The following CCDC73 variants were observed in gnomAD, a reference collection of about 807,000 sequenced individuals.
The protein encoded by CCDC73 is coiled-coil domain-containing protein 73.
A neutral mutation model predicts 116.5 loss-of-function variants in CCDC73; 95 were observed. That is an observed-to-expected ratio of 0.82 (90% CI 0.69 to 0.97). The LOEUF is 0.97. Ranked by LOEUF, CCDC73 falls within the 50% of genes least tolerant of loss-of-function variation. CCDC73 has a pLI of 0.00. For synonymous variants in CCDC73, 398 were observed against 401.3 expected (o/e 0.99, Z 0.10); for missense variants, 1,066 against 1,206.8 (o/e 0.88, Z 1.73).
In CCDC73 at chr11:32,625,749, C is replaced by T. The variant is rs182183138; in HGVS notation, c.1186-9620G>A. Among the ~76,000 whole-genome samples, 329 of 152,100 alleles carry T rather than the reference C, an allele frequency of 2.2e-3. 1 individual carries two copies. Among genetic ancestry groups the T allele is most frequent in the African/African-American group, 5.2e-3 (217 of 41,480 alleles). On this transcript the variant is annotated intron_variant, in intron 14 of 17. Transcript: ENST00000335185. The stretch of plus-strand genomic sequence containing the variant: ...AAAAACACATGATTATTTCAGTAGA[C>T]GCAGAAAAGGCCTTTGACAAAATTC...
At chr11:32,812,907 G>A in the CCDC73 span, among the ~76,000 whole-genome samples, 1 of 152,090 alleles carries the variant, frequency 6.6e-6, no homozygotes, top group Non-Finnish European at 1.5e-5. Flanking sequence ...ATGAATGTAG[G>A]CAACAAACCA....
chr11:32,820,849 G>T, the CCDC73 span, among the ~76,000 whole-genome samples: 3 of 152,012 alleles, frequency 2.0e-5, no homozygotes, highest in African/African-American at 7.2e-5. Flanking sequence ...ATTTTCTGAG[G>T]TTTACTAATT....
At chr11:32,773,326 T>C (rs1850506368) in intron 1 of CCDC73, among the ~76,000 whole-genome samples, 1 of 152,168 alleles carries the variant, frequency 6.6e-6, no homozygotes, top group African/African-American at 2.4e-5. Context: ...GGGTTTCTTT[T>C]TGAGGTATTA....
At chr11:32,619,801 AAGG>A (rs1461536919) in intron 14 of CCDC73, among the ~76,000 whole-genome samples, 1 of 148,180 alleles carries the variant, frequency 6.7e-6, no homozygotes, top group African/African-American at 2.5e-5. Context: ...GCAGGAGGAA[AAGG>A]AGGAGGTGAA....
the CCDC73 span, among the ~76,000 whole-genome samples, chr11:32,828,307 G>A: frequency 1.3e-5 from 2 of 152,034 alleles, no homozygotes; most frequent in African/African-American, 4.8e-5. Flanking sequence ...TCAGGAGTTT[G>A]AGAACAACCT....
At chr11:32,826,649 AAAAAAAAAAAC>A in the CCDC73 span, among the ~76,000 whole-genome samples, 1 of 136,168 alleles carries the variant, frequency 7.3e-6, no homozygotes. Context: ...AATAACTCAA[AAAAAAAAAAAC>A]AAAAAAAAAA....
upstream of CCDC73, among the ~76,000 whole-genome samples, chr11:32,796,523 G>C (rs1316116944): frequency 6.6e-6 from 1 of 152,196 alleles, no homozygotes; most frequent in Non-Finnish European, 1.5e-5. Context: ...AGGCTAATGA[G>C]TTGAATGTAA....
chr11:32,626,414 T>C (rs1297938367), intron 14 of CCDC73, among the ~76,000 whole-genome samples: 1,764 of 152,012 alleles, frequency 0.012, 31 homozygotes, highest in African/African-American at 0.04. Flanking sequence ...AGGTAATTTA[T>C]AGATTCAATG....
At chr11:32,725,788 GA>G (rs1483482760) in intron 2 of CCDC73, among the ~76,000 whole-genome samples, 1 of 152,114 alleles carries the variant, frequency 6.6e-6, no homozygotes, top group Non-Finnish European at 1.5e-5. Context: ...AGATCATACA[GA>G]GAAGAGAACC....
the CCDC73 span, among the ~76,000 whole-genome samples, chr11:32,803,243 A>G: frequency 1.3e-5 from 2 of 151,948 alleles, no homozygotes; most frequent in East Asian, 3.9e-4. Context: ...GATGTGCGCC[A>G]CCACATCTGG....
chr11:32,604,062 C>T (rs1855313058), intron 17 of CCDC73: 1 of 151,938 alleles, frequency 6.6e-6, no homozygotes, highest in South Asian at 2.1e-4. Context: ...GTGAGACCCT[C>T]TCTCAAAAAT....
At chr11:32,725,593 A>T (rs1172659436) in intron 2 of CCDC73, among the ~76,000 whole-genome samples, 1 of 152,114 alleles carries the variant, frequency 6.6e-6, no homozygotes. Context: ...AACTTTATTC[A>T]TTTCAGCTAA....
chr11:32,778,684 C>T (rs1475720941), intron 1 of CCDC73, among the ~76,000 whole-genome samples: 3 of 151,862 alleles, frequency 2.0e-5, no homozygotes, highest in South Asian at 4.2e-4. Flanking sequence ...TGGTGGCAGG[C>T]GCCTGTAATC....
At position 32,760,119 on chromosome 11, in the gene CCDC73, C is replaced by A; in HGVS notation, c.125G>T (p.Arg42Leu). Residue 42 changes from arginine (R) to leucine (L), a missense_variant, in exon 2 of 18, where the codon CGT becomes CTT. Physicochemically the swap from Arg to Leu is moderately radical, Grantham distance 102 (BLOSUM62 -2). Transcript: ENST00000335185. ...TAAAAAGGAGCTTACCCTTCTCATA[C>A]GCAATTCTTCTAATGCCTCCAGTAA... ...TSLLEALEEL[R>L]MRREAEIHYE... The A allele has an allele frequency of 6.3e-7, 1 of 1,599,054 alleles. No homozygotes were observed. Among genetic ancestry groups the A allele is most frequent in the Non-Finnish European group, 8.5e-7 (1 of 1,174,322 alleles).
intron 9 of CCDC73, among the ~76,000 whole-genome samples, chr11:32,668,784 T>C (rs1856010648): frequency 6.6e-6 from 1 of 152,216 alleles, no homozygotes. Flanking sequence ...TGCAGTTTTA[T>C]TACCAATACT....
At chr11:32,631,669 G>GAAAGGAAGA (rs1476291182) in intron 14 of CCDC73, among the ~76,000 whole-genome samples, 3 of 151,808 alleles carry the variant, frequency 2.0e-5, no homozygotes, top group East Asian at 1.9e-4. Flanking sequence ...AGGAAGGAAG[G>GAAAGGAAGA]AAAGGAAGAA....
the CCDC73 span, among the ~76,000 whole-genome samples, chr11:32,828,015 A>C: frequency 3.3e-5 from 5 of 152,310 alleles, no homozygotes; most frequent in Admixed American, 2.0e-4. Flanking sequence ...GAAATAGTTT[A>C]GACCACGAGG....
intron 6 of CCDC73, among the ~76,000 whole-genome samples, chr11:32,690,541 T>A (rs921849411): frequency 2.0e-5 from 3 of 152,098 alleles, no homozygotes; most frequent in African/African-American, 7.2e-5. Context: ...TGGGGGCAGT[T>A]TCTAATGGTT....
intron 12 of CCDC73, among the ~76,000 whole-genome samples, chr11:32,644,761 A>T (rs923994708): frequency 6.6e-6 from 1 of 152,186 alleles, no homozygotes; most frequent in Admixed American, 6.5e-5. Context: ...CAGCACCCCT[A>T]TTCTTCACTG....
Sources: allele counts gnomAD v4.1 joint callset (sites outside exome capture counted in the v4.1 genomes callset), GRCh38; gene constraint gnomAD v4.1.1; transcripts MANE v1.5; gene names NCBI Gene and HGNC (gene_info 2026-07-23, HGNC 2026-07-21).